The following MTMR12 variants were observed in gnomAD, a reference collection of about 807,000 sequenced individuals.
The protein encoded by MTMR12 is myotubularin-related protein 12.
A neutral mutation model predicts 96.7 loss-of-function variants in MTMR12; 33 were observed. The observed-to-expected ratio is 0.34, with a 90% CI of 0.26 to 0.46. The LOEUF (loss-of-function observed/expected upper bound fraction) is 0.46. Among genes scored for constraint, MTMR12 ranks in the 20% least tolerant of loss-of-function variants. The pLI, the probability that MTMR12 is intolerant of heterozygous loss-of-function variation, is 1.00. For missense variants in MTMR12, 721 were observed against 896.1 expected (o/e 0.80, Z 2.49); for synonymous variants, 298 against 327.2 (o/e 0.91, Z 0.96).
intron 6 of MTMR12, among the ~76,000 whole-genome samples, chr5:32,265,401 A>G (rs989792032): frequency 6.6e-6 from 1 of 152,232 alleles, no homozygotes; most frequent in East Asian, 1.9e-4. Flanking sequence ...GCTAATCCAC[A>G]TATGTTGGCA....
chr5:32,276,571 AT>A lies in MTMR12; in HGVS notation c.142+110del, dbSNP rs1750057886. The A allele has an allele frequency of 3.4e-6, 3 of 871,956 alleles. No individual in the cohort carries two copies. The African/African-American group carries it at 5.1e-5, about 15-fold the overall frequency. The allele number at this position is 871,956 out of a possible 1,614,324, so 54.0% of individuals were successfully genotyped here. On this transcript the variant is annotated intron_variant, in intron 2 of 15. Transcript: ENST00000382142. Reference sequence around the variant, plus strand: ...TATGTTTTTTCAATTCATTACTGTTATATGTGAGAAGATGAAAACAAAGGAG... The same window carrying A: ...TATGTTTTTTCAATTCATTACTGTTAATGTGAGAAGATGAAAACAAAGGAG...
chr5:32,260,963 T>A (rs539253609), intron 7 of MTMR12, among the ~76,000 whole-genome samples: 4 of 151,906 alleles, frequency 2.6e-5, no homozygotes, highest in Admixed American at 2.6e-4. Flanking sequence ...CCAGGCGCAG[T>A]GGCTCACGCG....
chr5:32,273,814 C>T lies in MTMR12; in HGVS notation c.285+166G>A, dbSNP rs74483954. Among the ~76,000 whole-genome samples, 11 of 152,268 alleles carry T rather than the reference C, an allele frequency of 7.2e-5. No individual in the cohort carries two copies. The East Asian group carries it at 1.7e-3, about 24-fold the overall frequency. ...ACAACAGAGCTATTTTACAACTGTG[C>T]TATTCCCCCCAAACTTCACCAAATG... On this transcript the variant is annotated intron_variant, in intron 3 of 15. Transcript: ENST00000382142.
intron 8 of MTMR12, among the ~76,000 whole-genome samples, chr5:32,254,190 C>T (rs565291527): frequency 1.1e-4 from 17 of 152,308 alleles, no homozygotes; most frequent in Admixed American, 1.3e-4. Flanking sequence ...CATCCGTTTT[C>T]GAAGTGTAGT....
intron 7 of MTMR12, among the ~76,000 whole-genome samples, chr5:32,257,505 T>G (rs910416217): frequency 2.0e-5 from 3 of 152,100 alleles, no homozygotes; most frequent in African/African-American, 7.2e-5. Context: ...GCATGGTGGC[T>G]CACACCTATA....
At chr5:32,244,099 C>T (rs1322710409) in intron 10 of MTMR12, among the ~76,000 whole-genome samples, 2 of 152,110 alleles carry the variant, frequency 1.3e-5, no homozygotes, top group Non-Finnish European at 1.5e-5. Flanking sequence ...TTAAATCTTA[C>T]AGAAATCCAA....
chr5:32,241,167 G>A (rs1022852106), intron 12 of MTMR12, among the ~76,000 whole-genome samples: 7 of 152,128 alleles, frequency 4.6e-5, no homozygotes, highest in African/African-American at 1.7e-4. Context: ...TAGTTGCTCA[G>A]TACTCAAATA....
rs1230010198 is a variant in MTMR12, at chr5:32,312,664, C to T, written c.81+94G>A. The T allele has an allele frequency of 7.7e-6, 9 of 1,174,142 alleles. No individual in the cohort carries two copies. The highest frequency in any genetic ancestry group is 6.5e-6 in the Non-Finnish European group (6 of 919,422). The allele number at this position is 1,174,142 out of a possible 1,614,324, so 72.7% of individuals were successfully genotyped here. A position where few individuals can be genotyped will look rare whatever the true frequency, so the allele number is the denominator to read the frequency against. On this transcript the variant is annotated intron_variant, in intron 1 of 15. Coordinates refer to ENST00000382142, the MANE Select transcript of MTMR12 (RefSeq NM_001040446.3). The surrounding 1 kb of genome is among the most constrained non-coding windows in gnomAD (Gnocchi z 5.0). ...TCGCCCGGCACAAGGGCAGGAAGCG[C>T]TCCGCGGCGCTCCCCGCTGCAAGGA...
At chr5:32,292,164 T>C (rs1380878695) in intron 1 of MTMR12, among the ~76,000 whole-genome samples, 1 of 152,190 alleles carries the variant, frequency 6.6e-6, no homozygotes, top group Non-Finnish European at 1.5e-5. Flanking sequence ...GAAGTCACAA[T>C]TACAATGCCA....
At chr5:32,276,818 A>T in intron 1 of MTMR12, 76 bp from the exon 2 acceptor site, 1 of 1,162,772 alleles carries the variant, frequency 8.6e-7, no homozygotes, top group South Asian at 1.3e-5. Flanking sequence ...TGCTTTCAGA[A>T]TACACACTAA....
intron 1 of MTMR12, among the ~76,000 whole-genome samples, chr5:32,288,023 TGA>T (rs768585063): frequency 1.3e-5 from 2 of 151,906 alleles, no homozygotes; most frequent in East Asian, 3.9e-4. Flanking sequence ...CTGTCCTGAG[TGA>T]GAGTCTTATC....
At chr5:32,297,732 C>T (rs1373406407) in intron 1 of MTMR12, among the ~76,000 whole-genome samples, 3 of 152,216 alleles carry the variant, frequency 2.0e-5, no homozygotes, top group South Asian at 2.1e-4. Flanking sequence ...CCCAATACCT[C>T]ATTAAACTCT....
Position 32,243,500 on chromosome 5 carries a change from TA to T in MTMR12, c.1100+20del. ...GTTATACAATTACAAAATTCATGAG[TA>T]AAACAATGGTTTGAAATACCTGATT... On this transcript the variant is annotated intron_variant, in intron 11 of 15. Transcript: ENST00000382142. 6.4e-7 allele frequency: 1 copy of T among 1,571,444 alleles called. No homozygotes were observed. The highest frequency in any genetic ancestry group is 8.7e-7 in the Non-Finnish European group (1 of 1,143,720).
chr5:32,308,223 G>A (rs529218226), intron 1 of MTMR12, among the ~76,000 whole-genome samples: 24 of 152,290 alleles, frequency 1.6e-4, no homozygotes, highest in African/African-American at 5.5e-4. Flanking sequence ...TCAGGAGGCT[G>A]AGGCAGGAGA....
chr5:32,230,589 G>A (rs1747958353), intron 15 of MTMR12, among the ~76,000 whole-genome samples: 1 of 152,198 alleles, frequency 6.6e-6, no homozygotes, highest in Non-Finnish European at 1.5e-5. Flanking sequence ...CAGCTGTGCA[G>A]AAAGGCATGC....
In MTMR12 at chr5:32,285,576, G is replaced by A. The variant is rs150128348; in HGVS notation, c.82-8834C>T. Among the ~76,000 whole-genome samples, 552 of 152,072 alleles carry A rather than the reference G, an allele frequency of 3.6e-3. 4 individuals are homozygous for A. Among genetic ancestry groups the A allele is most frequent in the Non-Finnish European group, 6.3e-3 (427 of 67,986 alleles). ...ATGAAAAATAAGTCTTCCAGTTTCC[G>A]CAAGTTTTCCCCTACAGTTCAAAAG... On this transcript the variant is annotated intron_variant, in intron 1 of 15. Coordinates refer to ENST00000382142, the MANE Select transcript of MTMR12 (RefSeq NM_001040446.3).
intron 1 of MTMR12, among the ~76,000 whole-genome samples, chr5:32,297,310 CCA>C (rs1750967348): frequency 2.0e-5 from 3 of 152,080 alleles, no homozygotes; most frequent in Admixed American, 2.0e-4. Flanking sequence ...CTGTTATTCC[CCA>C]CTCAATCCCT....
At chr5:32,260,346 G>C (rs115858418) in intron 7 of MTMR12, among the ~76,000 whole-genome samples, 5 of 151,810 alleles carry the variant, frequency 3.3e-5, no homozygotes, top group Admixed American at 3.3e-4. Context: ...GAGAATGGAT[G>C]CTGGGGCACC....
chr5:32,312,590 G>T lies in MTMR12; in HGVS notation c.81+168C>A, dbSNP rs1341147916. Among the ~76,000 whole-genome samples the T allele has an allele frequency of 1.3e-5, 2 of 152,002 alleles. No homozygotes were observed. Among genetic ancestry groups the T allele is most frequent in the Non-Finnish European group, 2.9e-5 (2 of 67,970 alleles). On this transcript the variant is annotated intron_variant, in intron 1 of 15. Coordinates refer to ENST00000382142, the MANE Select transcript of MTMR12 (RefSeq NM_001040446.3). The surrounding 1 kb of genome is among the most constrained non-coding windows in gnomAD (Gnocchi z 5.0). ...CGCCGGGGTCCCCATTCCGGCCCGC[G>T]CGGAGGCCCCAGCGCGCTCCTGCGG...
Sources: gnomAD v4.1 joint callset for allele counts (sites outside exome capture counted in the v4.1 genomes callset) on GRCh38, gnomAD v4.1.1 for gene constraint, Gnocchi (gnomAD v3.1) non-coding constraint, MANE v1.5 for transcripts, NCBI Gene and HGNC (gene_info 2026-07-23, HGNC 2026-07-21) for gene names.